The following PHF8 variants were observed in gnomAD, a reference collection of about 807,000 sequenced individuals.
PHF8 encodes histone lysine demethylase PHF8.
In PHF8, 9 loss-of-function variants were observed where a neutral mutation model predicts 74.4. The observed-to-expected ratio is 0.12, with a 90% CI of 0.07 to 0.21. The LOEUF is 0.21. Ranked by LOEUF, PHF8 falls within the 10% of genes least tolerant of loss-of-function variation. The pLI, the probability that PHF8 is intolerant of heterozygous loss-of-function variation, is 1.00. For synonymous variants in PHF8, 311 were observed against 316.6 expected (o/e 0.98, Z 0.19); for missense variants, 478 against 816.6 (o/e 0.59, Z 5.05).
chrX:54,025,596 C>T (rs2066254283), intron 2 of PHF8, among the ~76,000 whole-genome samples: 1 of 111,584 alleles, frequency 9.0e-6, no homozygotes, highest in Non-Finnish European at 1.9e-5. Context: ...TCTGGAGACA[C>T]AACATTCCAG....
chrX:53,981,620 G>A (rs1186195577), intron 18 of PHF8, among the ~76,000 whole-genome samples: 1 of 111,449 alleles, frequency 9.0e-6, no homozygotes, highest in Non-Finnish European at 1.9e-5. Flanking sequence ...GCCCTCAAAA[G>A]AATCCAGATT....
chrX:53,989,246 C>T (rs1557100673), intron 14 of PHF8, among the ~76,000 whole-genome samples: 1 of 111,270 alleles, frequency 9.0e-6, no homozygotes, highest in Non-Finnish European at 1.9e-5. Flanking sequence ...CAGCTGTGAG[C>T]CACTGCACCG....
At chrX:53,956,307 A>C (rs781820260) in intron 19 of PHF8, among the ~76,000 whole-genome samples, 1 of 111,744 alleles carries the variant, frequency 8.9e-6, no homozygotes, top group Non-Finnish European at 1.9e-5. Context: ...TAAGTGAAAT[A>C]CCAGCACAAG....
intron 21 of PHF8, 60 bp from the exon 22 acceptor site, chrX:53,939,306 C>T: frequency 1.1e-6 from 1 of 951,095 alleles, no homozygotes; most frequent in Non-Finnish European, 1.5e-6. Context: ...TCAAATCTGG[C>T]ACCAACTGCC....
chrX:53,989,310 C>T (rs1487950798), intron 14 of PHF8, among the ~76,000 whole-genome samples: 4 of 111,311 alleles, frequency 3.6e-5, no homozygotes, highest in Non-Finnish European at 5.7e-5. Context: ...CACTTTACAT[C>T]CACCGGAATG....
At chrX:53,961,115 G>A (rs962894451) in intron 19 of PHF8, among the ~76,000 whole-genome samples, 3 of 108,294 alleles carry the variant, frequency 2.8e-5, no homozygotes, top group Non-Finnish European at 3.8e-5. Flanking sequence ...TCCGCTTTCC[G>A]AGGTTCAAGC....
chrX:53,983,877 A>T (rs1253674740), intron 18 of PHF8, among the ~76,000 whole-genome samples: 4 of 112,127 alleles, frequency 3.6e-5, no homozygotes, highest in Non-Finnish European at 5.6e-5. Flanking sequence ...AGAACCACAC[A>T]CACTAAAACT....
At chrX:54,003,146 G>C (rs1285777429) in intron 8 of PHF8, among the ~76,000 whole-genome samples, 1 of 110,969 alleles carries the variant, frequency 9.0e-6, no homozygotes, top group African/African-American at 3.3e-5. Flanking sequence ...ACATGTAATG[G>C]GCTTATAATT....
At chrX:54,025,043 A>AT (rs1557111098) in intron 2 of PHF8, among the ~76,000 whole-genome samples, 1 of 108,428 alleles carries the variant, frequency 9.2e-6, no homozygotes, top group Non-Finnish European at 1.9e-5. Flanking sequence ...CGCCCAGCTA[A>AT]TTTTTTGTAT....
chrX:54,046,730 G>T (rs1405569421), upstream of PHF8, among the ~76,000 whole-genome samples: 1 of 111,198 alleles, frequency 9.0e-6, no homozygotes, highest in Non-Finnish European at 1.9e-5. Flanking sequence ...GCCGGGTGCA[G>T]ATTGCATGTC....
intron 19 of PHF8, among the ~76,000 whole-genome samples, chrX:53,951,539 C>T (rs1186283376): frequency 9.0e-6 from 1 of 110,523 alleles, no homozygotes; most frequent in East Asian, 2.8e-4. Context: ...CAAGCTCTGC[C>T]GCCAGGGTTA....
chrX:54,018,241 C>T (rs1359073894), intron 4 of PHF8, among the ~76,000 whole-genome samples: 3 of 111,884 alleles, frequency 2.7e-5, no homozygotes, highest in African/African-American at 9.7e-5. Flanking sequence ...ACTTTCTCAA[C>T]GTGCATACTT....
At chrX:53,991,609 G>A (rs1557101341) in intron 14 of PHF8, among the ~76,000 whole-genome samples, 2 of 100,389 alleles carry the variant, frequency 2.0e-5, no homozygotes, top group Admixed American at 1.1e-4. Flanking sequence ...GTTGCAGTGA[G>A]CTGAGATCGC....
At chrX:53,942,501 T>G (rs1453315476) in intron 20 of PHF8, 1 of 118,038 alleles carries the variant, frequency 8.5e-6, no homozygotes, top group African/African-American at 3.2e-5. Context: ...CAGAAAGATC[T>G]GTTTCTTTCT....
intron 20 of PHF8, among the ~76,000 whole-genome samples, chrX:53,941,278 G>T (rs782292540): frequency 1.8e-5 from 2 of 112,364 alleles, no homozygotes; most frequent in African/African-American, 6.5e-5. Flanking sequence ...GCACATAGTA[G>T]ATATTCGACA....
intron 2 of PHF8, among the ~76,000 whole-genome samples, chrX:54,042,376 G>T (rs1167818959): frequency 2.1e-5 from 2 of 97,504 alleles, no homozygotes; most frequent in Non-Finnish European, 4.2e-5. Flanking sequence ...AAGAAAAGGG[G>T]GGGGGGGTCT....
At chrX:54,006,424 G>GTGAGC in intron 8 of PHF8, among the ~76,000 whole-genome samples, 1 of 110,869 alleles carries the variant, frequency 9.0e-6, no homozygotes, top group South Asian at 3.9e-4. Context: ...CAAGGCTGTG[G>GTGAGC]TGAGCTGTCA....
intron 14 of PHF8, among the ~76,000 whole-genome samples, chrX:53,990,237 C>G (rs947718117): frequency 2.0e-4 from 22 of 111,710 alleles, no homozygotes; most frequent in Non-Finnish European, 3.4e-4. Context: ...TATCACTCAG[C>G]TAAGTTTCAG....
In PHF8 at chrX:54,019,827, C is replaced by G. The variant is rs1283347043; in HGVS notation, c.294-2006G>C. 3.0e-5 allele frequency among the ~76,000 whole-genome samples: 3 copies of G among 100,906 alleles called. No homozygotes were observed. In the Admixed American group the frequency reaches 3.3e-4, roughly 11 times the overall value. 87.6% of individuals were successfully genotyped at this position (100,906 alleles called of 115,157 possible). A position where few individuals can be genotyped will look rare whatever the true frequency, so the allele number is the denominator to read the frequency against. ...AAAAAAGAAAGAAAGAAAAGAAGTA[C>G]AAGTGGGAACAGCAGGATTTCACGA... On this transcript the variant is annotated intron_variant, in intron 4 of 21. Coordinates refer to ENST00000338154, the MANE Select transcript of PHF8 (RefSeq NM_015107.3).
Sources: allele counts gnomAD v4.1 joint callset (sites outside exome capture counted in the v4.1 genomes callset), GRCh38; gene constraint gnomAD v4.1.1; transcripts MANE v1.5; gene names NCBI Gene and HGNC (gene_info 2026-07-23, HGNC 2026-07-21).